VAPA: variants seen among roughly 807,000 people sequenced by gnomAD.
VAPA encodes VAMP associated protein A.
A neutral mutation model predicts 25.6 loss-of-function variants in VAPA; 6 were observed. The ratio of observed to expected loss-of-function variants is 0.23; its 90% CI spans 0.13 to 0.46. VAPA has a LOEUF of 0.46. VAPA is among the 20% of genes least tolerant of loss of function. The pLI is 0.99. For missense variants in VAPA, 244 were observed against 302.1 expected (o/e 0.81, Z 1.43); for synonymous variants, 112 against 106.2 (o/e 1.05, Z -0.34).
chr18:9,924,908 G>A (rs958432230), intron 1 of VAPA: 1 of 151,280 alleles, frequency 6.6e-6, no homozygotes, highest in African/African-American at 2.4e-5. Flanking sequence ...TAAAGTCATA[G>A]TATAACATCA....
intron 1 of VAPA, among the ~76,000 whole-genome samples, chr18:9,923,290 A>G (rs868189178): frequency 6.9e-6 from 1 of 145,982 alleles, no homozygotes; most frequent in African/African-American, 2.6e-5. Flanking sequence ...ACCGTTAAAA[A>G]GTAGGGATGT....
chr18:9,953,676 T>G (rs2069512844), intron 5 of VAPA, among the ~76,000 whole-genome samples: 1 of 152,170 alleles, frequency 6.6e-6, no homozygotes. Context: ...GAAGTACTCT[T>G]CTTTAATTAT....
intron 1 of VAPA, among the ~76,000 whole-genome samples, chr18:9,929,849 G>T (rs1397998949): frequency 6.6e-6 from 1 of 152,180 alleles, no homozygotes; most frequent in African/African-American, 2.4e-5. Flanking sequence ...TTACTCGCAA[G>T]TTAACATGTC....
chr18:9,920,434 C>G (rs953761299), intron 1 of VAPA, among the ~76,000 whole-genome samples: 2 of 152,332 alleles, frequency 1.3e-5, no homozygotes, highest in South Asian at 2.1e-4. Flanking sequence ...TCCCAAGTAG[C>G]TGGGATTACA....
chr18:9,936,532 G>T, intron 3 of VAPA: 1 of 211,820 alleles, frequency 4.7e-6, no homozygotes, highest in Non-Finnish European at 9.2e-6. Flanking sequence ...GACATGACAA[G>T]ACCCTGTCTC....
Position 9,959,747 on chromosome 18 carries a change from A to AAAAG in VAPA, c.*5536_*5537insAAAG, listed in dbSNP as rs2069587021. ...AAAAAAAAAAAAAAAAAAAAAAAAA[A>AAAAG]TGTGGAGGGTTGAAATGGTAAGGAA... On this transcript the variant is annotated 3_prime_UTR_variant, in exon 6 of 6. Coordinates refer to ENST00000400000, the MANE Select transcript of VAPA (RefSeq NM_194434.3). 1.4e-5 allele frequency: 2 copies of AAAAG among 138,178 alleles called. No individual in the cohort carries two copies. The highest frequency in any genetic ancestry group is 2.1e-4 in the East Asian group (1 of 4,862). 8.6% of individuals were successfully genotyped at this position (138,178 alleles called of 1,614,324 possible). A position where few individuals can be genotyped will look rare whatever the true frequency, so the allele number is the denominator to read the frequency against.
intron 4 of VAPA, among the ~76,000 whole-genome samples, chr18:9,947,053 T>G (rs1013862398): frequency 2.0e-5 from 3 of 152,220 alleles, no homozygotes. Context: ...CCACATCCTG[T>G]CTCACTGTAA....
chr18:9,922,915 T>G (rs954438910), intron 1 of VAPA, among the ~76,000 whole-genome samples: 2 of 152,238 alleles, frequency 1.3e-5, no homozygotes, highest in African/African-American at 4.8e-5. Context: ...AGATTGAATT[T>G]GATATTTTCT....
chr18:9,947,806 C>A (rs748691527), intron 4 of VAPA: 3 of 152,150 alleles, frequency 2.0e-5, no homozygotes, highest in Non-Finnish European at 4.4e-5. Context: ...AAAGTTACAC[C>A]TGCTTAATTT....
chr18:9,928,234 A>G (rs531396031), intron 1 of VAPA, among the ~76,000 whole-genome samples: 36 of 152,294 alleles, frequency 2.4e-4, no homozygotes, highest in African/African-American at 7.7e-4. Context: ...TTTGTCATCA[A>G]AACTGCTTTT....
Position 9,936,586 on chromosome 18 carries a change from C to T in VAPA, c.336+373C>T, listed in dbSNP as rs937324527. The T allele has an allele frequency of 6.0e-5, 12 of 200,808 alleles. No individual in the cohort carries two copies. In the East Asian group the frequency reaches 8.5e-4, roughly 14 times the overall value. The allele number at this position is 200,808 out of a possible 1,614,324, so 12.4% of individuals were successfully genotyped here. ...AACAAACAAAAAACAAAAAAAACCA[C>T]CACAACAAAAATGAGCTGGGTATAG... On this transcript the variant is annotated intron_variant, in intron 3 of 5. Transcript: ENST00000400000.
At chr18:9,931,679 C>T in intron 1 of VAPA, 131 bp from the exon 2 acceptor site, 1 of 660,114 alleles carries the variant, frequency 1.5e-6, no homozygotes, top group Non-Finnish European at 2.4e-6. Context: ...TGTTAGTAGC[C>T]ATTTGGGATA....
At chr18:9,940,669 A>G (rs923875561) in intron 4 of VAPA, among the ~76,000 whole-genome samples, 1 of 152,214 alleles carries the variant, frequency 6.6e-6, no homozygotes, top group Non-Finnish European at 1.5e-5. Flanking sequence ...ATGGGCGGGT[A>G]CTTCTATGAA....
In VAPA at chr18:9,959,002, T is replaced by C. The variant is rs867781075; in HGVS notation, c.*4791T>C. 1.3e-5 allele frequency: 2 copies of C among 152,268 alleles called. No individual in the cohort carries two copies. The highest frequency in any genetic ancestry group is 1.5e-5 in the Non-Finnish European group (1 of 68,002). The allele number at this position is 152,268 out of a possible 1,614,324, so 9.4% of individuals were successfully genotyped here. On this transcript the variant is annotated 3_prime_UTR_variant, in exon 6 of 6. Coordinates refer to ENST00000400000, the MANE Select transcript of VAPA (RefSeq NM_194434.3). ...TTCAAGTATAATGTCGTTTTCAACA[T>C]GCTTATTACTTAGTTTTACGTCAGC...
At chr18:9,950,652 T>C in intron 5 of VAPA, 84 bp downstream of exon 5, 1 of 1,464,326 alleles carries the variant, frequency 6.8e-7, no homozygotes, top group Non-Finnish European at 9.2e-7. Flanking sequence ...AGCAATTAGC[T>C]TTTAAATTTT....
At chr18:9,927,153 G>A (rs1423412714) in intron 1 of VAPA, among the ~76,000 whole-genome samples, 1 of 152,078 alleles carries the variant, frequency 6.6e-6, no homozygotes, top group African/African-American at 2.4e-5. Context: ...CTATATTGGT[G>A]TCTTCAGCTT....
chr18:9,941,197 C>T (rs2069363524), intron 4 of VAPA, among the ~76,000 whole-genome samples: 3 of 151,752 alleles, frequency 2.0e-5, no homozygotes, highest in African/African-American at 7.3e-5. Flanking sequence ...TTGGGAAATA[C>T]TATTCCTGCC....
Position 9,957,980 on chromosome 18 carries a change from A to G in VAPA, c.*3769A>G, listed in dbSNP as rs1017399616. ...GCCCAGCCGCTCGTGGGTTGGTGCAAAGAAGTATAAACATATATCACTAAG... is the reference window on the plus strand; with the variant it reads ...GCCCAGCCGCTCGTGGGTTGGTGCAGAGAAGTATAAACATATATCACTAAG... On this transcript the variant is annotated 3_prime_UTR_variant, in exon 6 of 6. Transcript: ENST00000400000. 3 of 152,220 alleles carry G rather than the reference A, an allele frequency of 2.0e-5. No individual in the cohort carries two copies. Among genetic ancestry groups the G allele is most frequent in the Admixed American group, 6.5e-5 (1 of 15,284 alleles). 9.4% of individuals were successfully genotyped at this position (152,220 alleles called of 1,614,324 possible).
chr18:9,950,151 A>G (rs1462164869), intron 4 of VAPA: 3 of 392,850 alleles, frequency 7.6e-6, no homozygotes, highest in African/African-American at 6.4e-5. Context: ...GTATTACAGG[A>G]AAGAACTTGA....
Sources: allele counts gnomAD v4.1 joint callset (sites outside exome capture counted in the v4.1 genomes callset), GRCh38; gene constraint gnomAD v4.1.1; transcripts MANE v1.5; gene names NCBI Gene and HGNC (gene_info 2026-07-23, HGNC 2026-07-21).